Variants in NFIA observed in about 807,000 individuals in gnomAD.
The protein encoded by NFIA is nuclear factor I A.
A neutral mutation model predicts 62.8 loss-of-function variants in NFIA; 8 were observed. The observed-to-expected ratio is 0.13, with a 90% confidence interval of 0.07 to 0.23. NFIA has a LOEUF of 0.23. Among genes scored for constraint, NFIA ranks in the 10% least tolerant of loss-of-function variants. The pLI, the probability that NFIA is intolerant of heterozygous loss-of-function variation, is 1.00. For synonymous variants in NFIA, 235 were observed against 238.1 expected (o/e 0.99, Z 0.12); for missense variants, 410 against 642.1 (o/e 0.64, Z 3.91).
intron 10 of NFIA, among the ~76,000 whole-genome samples, 190 bp from the exon 11 acceptor site, chr1:61,455,113 T>C (rs1668239810): frequency 6.6e-6 from 1 of 152,232 alleles, no homozygotes; most frequent in Admixed American, 6.5e-5. Context: ...CAATGAATTA[T>C]AATTTCAGAA....
chr1:61,375,293 G>A (rs531594106), intron 6 of NFIA, among the ~76,000 whole-genome samples: 8 of 152,224 alleles, frequency 5.3e-5, no homozygotes, highest in African/African-American at 1.9e-4. Context: ...CTTGAGAAAT[G>A]TCACTGAAAT....
At chr1:61,100,243 G>A (rs530539854) in intron 2 of NFIA, among the ~76,000 whole-genome samples, 2 of 152,242 alleles carry the variant, frequency 1.3e-5, no homozygotes, top group South Asian at 2.1e-4. Context: ...CTATGGAGAC[G>A]GGAACTTCTT....
At chr1:61,361,309 A>G (rs1220445688) in intron 6 of NFIA, among the ~76,000 whole-genome samples, 1 of 152,226 alleles carries the variant, frequency 6.6e-6, no homozygotes, top group Non-Finnish European at 1.5e-5. Flanking sequence ...CCGCATCATC[A>G]GCATGACCTC....
At chr1:61,154,881 T>G (rs1648682927) in intron 2 of NFIA, among the ~76,000 whole-genome samples, 1 of 152,246 alleles carries the variant, frequency 6.6e-6, no homozygotes, top group Non-Finnish European at 1.5e-5. Flanking sequence ...ATAAAGGGCT[T>G]GGAAGATAGC....
At position 61,442,915 on chromosome 1, in the gene NFIA, A is replaced by G. The variant is rs77027272; in HGVS notation, c.1513-12388A>G. On this transcript the variant is annotated intron_variant, in intron 10 of 10. Transcript: ENST00000403491. ...CCAGTTTTATCATCCATTTCTGCAG[A>G]ACGTCATCTAAATGGATTCCGCTTT... 8.9e-3 allele frequency among the ~76,000 whole-genome samples: 1,360 copies of G among 152,284 alleles called. 18 individuals are homozygous for G. The highest frequency in any genetic ancestry group is 0.049 in the East Asian group (254 of 5,184).
intron 10 of NFIA, among the ~76,000 whole-genome samples, chr1:61,451,790 A>T (rs757567723): frequency 2.0e-5 from 3 of 152,122 alleles, no homozygotes; most frequent in Non-Finnish European, 2.9e-5. Context: ...ATAGGGAGGG[A>T]GATTCCTTTG....
chr1:61,335,542 G>A (rs1189728042), intron 4 of NFIA, among the ~76,000 whole-genome samples: 1 of 152,108 alleles, frequency 6.6e-6, no homozygotes, highest in Non-Finnish European at 1.5e-5. Flanking sequence ...CTGTATCCTC[G>A]AATAGAAATA....
rs114532177 is a variant in NFIA, at chr1:61,455,196, C to T, written c.1513-107C>T. 3,073 of 1,119,570 alleles carry T rather than the reference C, an allele frequency of 2.7e-3. 11 individuals carry two copies. Among genetic ancestry groups the T allele is most frequent in the Middle Eastern group, 3.5e-3 (18 of 5,110 alleles). 69.4% of individuals were successfully genotyped at this position (1,119,570 alleles called of 1,614,324 possible). A position where few individuals can be genotyped will look rare whatever the true frequency, so the allele number is the denominator to read the frequency against. ...CCTTTACTTTTCCCAGCGAATCCCT[C>T]CCGCATCCCTAACGTAGATCCTGAT... On this transcript the variant is annotated intron_variant, in intron 10 of 10. Transcript: ENST00000403491.
intron 2 of NFIA, among the ~76,000 whole-genome samples, chr1:61,089,909 A>G (rs1646290295): frequency 6.6e-6 from 1 of 152,182 alleles, no homozygotes; most frequent in African/African-American, 2.4e-5. Context: ...TAGCTTTGCA[A>G]GCATGTCACA....
chr1:61,406,353 G>A lies in NFIA; in HGVS notation c.1255-209G>A, dbSNP rs555323609. ...GTTTAGGATGCATGGAGCACATGTG[G>A]CTAAGAGTACTTTTGTGAAATGCCT... On this transcript the variant is annotated intron_variant, in intron 8 of 10. Coordinates refer to ENST00000403491, the MANE Select transcript of NFIA (RefSeq NM_001134673.4). Among the ~76,000 whole-genome samples, 87 of 152,252 alleles carry A rather than the reference G, an allele frequency of 5.7e-4. 1 individual carries two copies. Among genetic ancestry groups the A allele is most frequent in the Admixed American group, 2.7e-3 (42 of 15,298 alleles).
chr1:61,166,260 A>C (rs1353794296), intron 2 of NFIA, among the ~76,000 whole-genome samples: 1 of 152,194 alleles, frequency 6.6e-6, no homozygotes, highest in East Asian at 1.9e-4. Context: ...ACGCATTGAA[A>C]TTGCTGTCTT....
intron 7 of NFIA, among the ~76,000 whole-genome samples, chr1:61,395,775 G>A (rs536292429): frequency 6.6e-6 from 1 of 152,044 alleles, no homozygotes; most frequent in Non-Finnish European, 1.5e-5. Context: ...ACAAAGGCTG[G>A]GGCTGTATTT....
upstream of NFIA, chr1:61,077,370 G>A: frequency 2.7e-6 from 1 of 375,396 alleles, no homozygotes; most frequent in East Asian, 3.9e-5. Context: ...GAGCGAGCGA[G>A]CGAGCGAGCG....
chr1:61,135,770 A>G (rs1359430753), intron 2 of NFIA, among the ~76,000 whole-genome samples: 2 of 152,132 alleles, frequency 1.3e-5, no homozygotes, highest in African/African-American at 4.8e-5. Flanking sequence ...TTAGCATTAC[A>G]TTTGCTAACG....
rs1668552245 is a variant in NFIA, at chr1:61,462,024, G to GTTTTTTTTTTTTTTTTGT, written c.*6720_*6721insGTTTTTTTTTTTTTTTTT. On this transcript the variant is annotated 3_prime_UTR_variant, in exon 11 of 11. Transcript: ENST00000403491. ...ATAGTCTGTAAGTTAGCCTTTTTGG[G>GTTTTTTTTTTTTTTTTGT]TTTTTTTTTTTTTTTTTTGGCTTTT... 1 of 73,206 alleles carries GTTTTTTTTTTTTTTTTGT rather than the reference G, an allele frequency of 1.4e-5. No individual in the cohort carries two copies. The highest frequency in any genetic ancestry group is 2.5e-5 in the Non-Finnish European group (1 of 40,492). The allele number at this position is 73,206 out of a possible 1,614,324, so 4.5% of individuals were successfully genotyped here. A position where few individuals can be genotyped will look rare whatever the true frequency, so the allele number is the denominator to read the frequency against.
chr1:61,342,537 T>G (rs1364929838), intron 4 of NFIA, among the ~76,000 whole-genome samples: 1 of 152,192 alleles, frequency 6.6e-6, no homozygotes, highest in Non-Finnish European at 1.5e-5. Flanking sequence ...CTAATGCAGA[T>G]CAGTCAGCAT....
At chr1:61,215,702 G>T (rs749106836) in intron 2 of NFIA, among the ~76,000 whole-genome samples, 1 of 152,152 alleles carries the variant, frequency 6.6e-6, no homozygotes, top group African/African-American at 2.4e-5. Flanking sequence ...ACTTATAAAT[G>T]ACCTCTGTTT....
At chr1:61,120,755 T>C (rs768950502) in intron 2 of NFIA, among the ~76,000 whole-genome samples, 11 of 152,206 alleles carry the variant, frequency 7.2e-5, no homozygotes, top group Non-Finnish European at 1.2e-4. Flanking sequence ...AAGTGGCTCT[T>C]CCACAAACTA....
At chr1:61,455,104 A>G (rs1668239533) in intron 10 of NFIA, among the ~76,000 whole-genome samples, 199 bp from the exon 11 acceptor site, 1 of 152,208 alleles carries the variant, frequency 6.6e-6, no homozygotes, top group African/African-American at 2.4e-5. Context: ...CAATGAAGAC[A>G]ATGAATTATA....
Sources: allele counts gnomAD v4.1 joint callset (sites outside exome capture counted in the v4.1 genomes callset), GRCh38; gene constraint gnomAD v4.1.1; transcripts MANE v1.5; gene names NCBI Gene and HGNC (gene_info 2026-07-23, HGNC 2026-07-21).